Variants in NRG4 observed in about 807,000 individuals in gnomAD.
NRG4 encodes neuregulin 4.
NRG4 carries 10 observed loss-of-function variants against 15.0 expected under a neutral mutation model. The ratio of observed to expected loss-of-function variants is 0.67; its 90% CI spans 0.41 to 1.13. The LOEUF is 1.13. Ranked by LOEUF, NRG4 falls within the 50% of genes most tolerant of loss-of-function variation. The pLI is 0.00. For synonymous variants in NRG4, 41 were observed against 50.1 expected, an observed-to-expected ratio of 0.82 and a Z score of 0.77; for missense variants, 139 against 140.2, an observed-to-expected ratio of 0.99 and a Z score of 0.04.
intron 5 of NRG4, among the ~76,000 whole-genome samples, chr15:76,034,740 G>A (rs1347653286): frequency 2.6e-5 from 4 of 152,042 alleles, no homozygotes; most frequent in African/African-American, 7.2e-5. Context: ...AGGTGGAGAG[G>A]TACTACCACT....
rs2034798365 is a variant in NRG4, at chr15:76,011,220, C to A, written c.10+1G>T. On this transcript the variant is annotated splice_donor_variant, in intron 2 of 5. Coordinates refer to ENST00000394907, the MANE Select transcript of NRG4 (RefSeq NM_138573.4). LOFTEE classifies it high-confidence loss of function. ...AAACATATAAATATATAAGAAATTACCTGTTGGCATCTTAATTTGTAAATA... is the reference window on the plus strand; with the variant it reads ...AAACATATAAATATATAAGAAATTAACTGTTGGCATCTTAATTTGTAAATA... 2.1e-6 allele frequency: 3 copies of A among 1,445,580 alleles called. No individual in the cohort carries two copies. The highest frequency in any genetic ancestry group is 1.5e-5 in the African/African-American group (1 of 68,886). The allele number at this position is 1,445,580 out of a possible 1,614,324, so 89.5% of individuals were successfully genotyped here.
At position 75,977,590 on chromosome 15, in the gene NRG4, T is replaced by G. The variant is rs572413341; in HGVS notation, c.105-15616A>C. 1.9e-4 allele frequency among the ~76,000 whole-genome samples: 29 copies of G among 152,256 alleles called. No homozygotes were observed. In the South Asian group the frequency reaches 5.8e-3, roughly 30 times the overall value. ...AGGGAATTCCCCCAACCCTTGTGCT[T>G]CCTGGGTGAGGTGACACCCCACCCT... On this transcript the variant is annotated intron_variant, in intron 3 of 5. Transcript: ENST00000394907. This position sits in a 1 kb window ranked among gnomAD's most constrained non-coding sequence, Gnocchi z 4.9.
chr15:76,048,942 G>A (rs1177112437), intron 4 of NRG4, among the ~76,000 whole-genome samples: 1 of 150,600 alleles, frequency 6.6e-6, no homozygotes, highest in Non-Finnish European at 1.5e-5. Context: ...CTACTCAGGA[G>A]GCTGAGGCAG....
chr15:76,052,961 T>TA lies in NRG4; in HGVS notation c.-240dup, dbSNP rs557394024. 170 of 151,336 alleles carry TA rather than the reference T, an allele frequency of 1.1e-3. 12 individuals are homozygous for TA. Among genetic ancestry groups the TA allele is most frequent in the African/African-American group, 4.0e-3 (164 of 40,782 alleles). 9.4% of individuals were successfully genotyped at this position (151,336 alleles called of 1,614,324 possible). ...ACCTTCAAATTTGATGCTGGTTCTT[T>TA]ATTTTTCTGATTCACTTTTAGTCTG... On this transcript the variant is annotated 5_prime_UTR_variant, in exon 3 of 9. Coordinates refer to the NRG4 transcript ENST00000563910.
intron 3 of NRG4, 142 bp from the exon 4 acceptor site, chr15:75,962,116 A>G (rs1055428614): frequency 5.4e-6 from 3 of 553,550 alleles, no homozygotes; most frequent in African/African-American, 1.9e-5. Flanking sequence ...TTTTCCTATA[A>G]TGCTCACAGA....
At chr15:76,048,091 A>T (rs538646699) in intron 4 of NRG4, among the ~76,000 whole-genome samples, 1 of 150,052 alleles carries the variant, frequency 6.7e-6, no homozygotes, top group Non-Finnish European at 1.5e-5. Context: ...CCAGGAGTTC[A>T]AGGCTGTGGT....
chr15:76,001,765 G>T (rs1283924914), intron 3 of NRG4, among the ~76,000 whole-genome samples: 1 of 152,180 alleles, frequency 6.6e-6, no homozygotes, highest in Non-Finnish European at 1.5e-5. Flanking sequence ...AACAGACATA[G>T]AAATGAGAGA....
intron 3 of NRG4, among the ~76,000 whole-genome samples, chr15:75,962,825 T>C (rs2141817405): frequency 6.6e-6 from 1 of 152,324 alleles, no homozygotes; most frequent in South Asian, 2.1e-4. Flanking sequence ...CACTTTAATA[T>C]TAACTAATAT....
At chr15:76,044,366 A>G (rs892012667) in intron 4 of NRG4, among the ~76,000 whole-genome samples, 5 of 150,652 alleles carry the variant, frequency 3.3e-5, no homozygotes, top group African/African-American at 1.2e-4. Flanking sequence ...CTCTTCAATA[A>G]ATGGTGCTGG....
At chr15:76,003,149 CAAT>C (rs1049486431) in intron 3 of NRG4, among the ~76,000 whole-genome samples, 3 of 151,882 alleles carry the variant, frequency 2.0e-5, no homozygotes, top group African/African-American at 7.2e-5. Context: ...AACTTGAAAC[CAAT>C]AATAAAATAT....
upstream of NRG4, among the ~76,000 whole-genome samples, chr15:76,012,880 T>G (rs1352619572): frequency 1.3e-5 from 2 of 152,178 alleles, no homozygotes; most frequent in African/African-American, 4.8e-5. Flanking sequence ...TAACACCAAG[T>G]TCAATTTGAA....
chr15:75,962,774 C>A (rs2032593385), intron 3 of NRG4, among the ~76,000 whole-genome samples: 1 of 152,140 alleles, frequency 6.6e-6, no homozygotes, highest in South Asian at 2.1e-4. Context: ...CACTGTTTGG[C>A]ACCAGATCAA....
chr15:76,041,262 T>G (rs542951778), intron 4 of NRG4, among the ~76,000 whole-genome samples: 1 of 151,552 alleles, frequency 6.6e-6, no homozygotes, highest in South Asian at 2.1e-4. Context: ...GAGAAGACCA[T>G]AAAACAACCA....
chr15:75,968,175 A>G (rs1002799859), intron 3 of NRG4, among the ~76,000 whole-genome samples: 1 of 152,152 alleles, frequency 6.6e-6, no homozygotes, highest in Non-Finnish European at 1.5e-5. Context: ...AAACTTTATA[A>G]TTTGTTGATT....
chr15:75,971,314 A>G (rs2141832846), intron 3 of NRG4: 1 of 445,546 alleles, frequency 2.2e-6, no homozygotes, highest in East Asian at 7.2e-5. Context: ...AGAAGGTGAT[A>G]TAGATCTATC....
intron 4 of NRG4, among the ~76,000 whole-genome samples, chr15:76,044,030 G>A (rs1401408858): frequency 4.0e-5 from 6 of 151,822 alleles, no homozygotes; most frequent in African/African-American, 7.3e-5. Context: ...TCGCTCTGTC[G>A]CCCAGGCGGG....
At chr15:75,953,184 G>A (rs2032016056) in intron 5 of NRG4, among the ~76,000 whole-genome samples, 1 of 152,080 alleles carries the variant, frequency 6.6e-6, no homozygotes, top group South Asian at 2.1e-4. Context: ...TCCATTTTGA[G>A]TTAATTTTTA....
chr15:76,015,969 C>T (rs184068782), upstream of NRG4, among the ~76,000 whole-genome samples: 116 of 152,252 alleles, frequency 7.6e-4, 1 homozygote, highest in African/African-American at 2.8e-3. Flanking sequence ...GTGAATCTGT[C>T]TTGTCCTGGA....
chr15:75,974,559 C>T (rs1268554208), intron 3 of NRG4, among the ~76,000 whole-genome samples: 1 of 152,144 alleles, frequency 6.6e-6, no homozygotes. Context: ...TATATTGTGT[C>T]TTTGTTCTCA....
Sources: gnomAD v4.1 joint callset for allele counts (sites outside exome capture counted in the v4.1 genomes callset) on GRCh38, gnomAD v4.1.1 for gene constraint, Gnocchi (gnomAD v3.1) non-coding constraint, MANE v1.5 for transcripts, NCBI Gene and HGNC (gene_info 2026-07-23, HGNC 2026-07-21) for gene names.